GLIS3: variants seen among roughly 807,000 people sequenced by gnomAD.
GLIS3 encodes the protein GLIS family zinc finger 3.
In GLIS3, 53 loss-of-function variants were observed where a neutral mutation model predicts 78.6. The observed-to-expected ratio is 0.67, with a 90% confidence interval of 0.54 to 0.85. The LOEUF is 0.85. Ranked by LOEUF, GLIS3 falls within the 40% of genes least tolerant of loss-of-function variation. GLIS3 has a pLI of 0.00. For missense variants in GLIS3, 1,703 were observed against 1,231.1 expected, an observed-to-expected ratio of 1.38 and a Z score of -5.74; for synonymous variants, 684 against 509.9, an observed-to-expected ratio of 1.34 and a Z score of -4.60.
chr9:4,342,643 G>C (rs752580558), intron 2 of GLIS3, among the ~76,000 whole-genome samples: 3 of 152,120 alleles, frequency 2.0e-5, no homozygotes, highest in Non-Finnish European at 4.4e-5. Flanking sequence ...GAATGTCATT[G>C]GTGGTTTAAT....
At chr9:4,094,933 A>C (rs1829820462) in intron 4 of GLIS3, among the ~76,000 whole-genome samples, 1 of 152,184 alleles carries the variant, frequency 6.6e-6, no homozygotes, top group Non-Finnish European at 1.5e-5. Context: ...ATATTCATGG[A>C]GCACATAGTG....
chr9:4,159,987 CATT>C (rs1393580345), intron 2 of GLIS3, among the ~76,000 whole-genome samples: 2 of 152,142 alleles, frequency 1.3e-5, no homozygotes, highest in East Asian at 1.9e-4. Flanking sequence ...TTAATATCAT[CATT>C]GTGATCATCA....
the GLIS3 span, among the ~76,000 whole-genome samples, chr9:4,433,921 C>G: frequency 6.6e-4 from 101 of 152,116 alleles, no homozygotes; most frequent in South Asian, 4.2e-4. Context: ...ATGGTGAAAC[C>G]CCATCTCTAC....
intron 4 of GLIS3, among the ~76,000 whole-genome samples, chr9:4,090,398 A>C (rs1289697438): frequency 6.6e-6 from 1 of 152,154 alleles, no homozygotes; most frequent in African/African-American, 2.4e-5. Context: ...ACTTGGTTAC[A>C]GTACCCAGGA....
chr9:4,014,797 C>T (rs760537735), intron 4 of GLIS3, among the ~76,000 whole-genome samples: 2 of 152,198 alleles, frequency 1.3e-5, no homozygotes, highest in African/African-American at 2.4e-5. Context: ...GATGTACACA[C>T]TCACACCTGG....
chr9:4,359,211 C>T, the GLIS3 span, among the ~76,000 whole-genome samples: 622 of 152,296 alleles, frequency 4.1e-3, 7 homozygotes, highest in African/African-American at 0.014. Flanking sequence ...GCTCTGCATA[C>T]ACCGAGATGA....
At chr9:4,216,660 T>G (rs1474737183) in intron 2 of GLIS3, among the ~76,000 whole-genome samples, 1 of 152,138 alleles carries the variant, frequency 6.6e-6, no homozygotes, top group Non-Finnish European at 1.5e-5. Flanking sequence ...GCTTCTTGTT[T>G]TAAGCTCTAT....
rs1480706313 is a variant in GLIS3, at chr9:3,825,879, C to T, written c.*2393G>A. The T allele has an allele frequency of 6.6e-6, 1 of 152,324 alleles. No homozygotes were observed. The highest frequency in any genetic ancestry group is 1.5e-5 in the Non-Finnish European group (1 of 68,146). The allele number at this position is 152,324 out of a possible 1,614,324, so 9.4% of individuals were successfully genotyped here. A position where few individuals can be genotyped will look rare whatever the true frequency, so the allele number is the denominator to read the frequency against. ...TCTGAGATAAAATGTCCCTCTGGGG[C>T]TCCACATTGATTTCCTGCTGAGGAA... On this transcript the variant is annotated 3_prime_UTR_variant, in exon 11 of 11. Coordinates refer to ENST00000381971, the MANE Select transcript of GLIS3 (RefSeq NM_001042413.2).
intron 2 of GLIS3, among the ~76,000 whole-genome samples, chr9:4,234,751 A>C (rs1240736429): frequency 6.6e-6 from 1 of 152,240 alleles, no homozygotes; most frequent in Admixed American, 6.5e-5. Flanking sequence ...AATAAACTGA[A>C]GCAAAATAAA....
At chr9:4,407,403 C>T in the GLIS3 span, among the ~76,000 whole-genome samples, 37 of 152,284 alleles carry the variant, frequency 2.4e-4, no homozygotes, top group East Asian at 1.9e-3. Context: ...CCCAGCACTT[C>T]GGGAGGCCGA....
At chr9:4,248,747 T>C (rs765585065) in intron 2 of GLIS3, among the ~76,000 whole-genome samples, 1 of 152,200 alleles carries the variant, frequency 6.6e-6, no homozygotes, top group East Asian at 1.9e-4. Flanking sequence ...CTCTCCAGCA[T>C]CTGTTGTTTC....
chr9:4,449,760 T>C, the GLIS3 span, among the ~76,000 whole-genome samples: 4 of 152,098 alleles, frequency 2.6e-5, no homozygotes, highest in Admixed American at 6.5e-5. Flanking sequence ...GACCTGACTC[T>C]TAGAAGAAAA....
At chr9:3,856,310 A>G in intron 8 of GLIS3, 126 bp from the exon 9 acceptor site, 1 of 869,204 alleles carries the variant, frequency 1.2e-6, no homozygotes, top group Non-Finnish European at 1.9e-6. Context: ...AGCCTTTTAA[A>G]AAAAAATCTT....
In GLIS3 at chr9:3,828,303, C is replaced by G; in HGVS notation, c.2762G>C (p.Ser921Thr). 6.2e-7 allele frequency: 1 copy of G among 1,614,094 alleles called. No homozygotes were observed. Among genetic ancestry groups the G allele is most frequent in the Non-Finnish European group, 8.5e-7 (1 of 1,180,020 alleles). Reference sequence around the variant, plus strand: ...TTCGGTGTAGACAGAGGAGAGCTGGCTAGGACAGCGGTCCACGGTGCTGAT... The same window carrying G: ...TTCGGTGTAGACAGAGGAGAGCTGGGTAGGACAGCGGTCCACGGTGCTGAT... ...LQISTVDRCP[S>T]QLSSVYTEG Residue 921 changes from serine (S) to threonine (T), a missense_variant, in exon 11 of 11, where the codon AGC becomes ACC. Transcript: ENST00000381971.
At chr9:4,251,257 C>T (rs189353505) in intron 2 of GLIS3, among the ~76,000 whole-genome samples, 37 of 152,274 alleles carry the variant, frequency 2.4e-4, no homozygotes, top group Non-Finnish European at 1.0e-4. Context: ...CTTTGTAGGT[C>T]TCTAAGAGCT....
chr9:4,135,161 T>C (rs2130956070), intron 2 of GLIS3, among the ~76,000 whole-genome samples: 1 of 152,368 alleles, frequency 6.6e-6, no homozygotes, highest in South Asian at 2.1e-4. Flanking sequence ...CAAAGCGTTG[T>C]CTAGAATTGT....
intron 4 of GLIS3, among the ~76,000 whole-genome samples, chr9:3,987,770 AAAAAAAAAAAAAAAAAAAC>A (rs796367263): frequency 9.9e-5 from 14 of 140,966 alleles, no homozygotes; most frequent in African/African-American, 3.6e-4. Context: ...GCAAAAAAAA[AAAAAAAAAAAAAAAAAAAC>A]AAAACACAAA....
intron 2 of GLIS3, among the ~76,000 whole-genome samples, chr9:4,343,365 G>T (rs1817861012): frequency 6.6e-6 from 1 of 151,906 alleles, no homozygotes; most frequent in Non-Finnish European, 1.5e-5. Context: ...AAAACAATGA[G>T]ATACTATCTC....
the GLIS3 span, among the ~76,000 whole-genome samples, chr9:4,416,574 T>C: frequency 6.6e-6 from 1 of 152,150 alleles, no homozygotes. Context: ...CTTTCTAAAT[T>C]TGGATCAGCT....
Sources: allele counts gnomAD v4.1 joint callset (sites outside exome capture counted in the v4.1 genomes callset), GRCh38; gene constraint gnomAD v4.1.1; transcripts MANE v1.5; gene names NCBI Gene and HGNC (gene_info 2026-07-23, HGNC 2026-07-21).